EPHX1: variants seen among roughly 807,000 people sequenced by gnomAD.
EPHX1 encodes the protein epoxide hydrolase 1, also known as epoxide hydratase.
Under a neutral mutation model 43.2 loss-of-function variants are expected in EPHX1, and 40 were observed. That is an observed-to-expected ratio of 0.93 (90% CI 0.72 to 1.21). The LOEUF (loss-of-function observed/expected upper bound fraction) is 1.21. EPHX1 is among the 50% of genes most tolerant of loss of function. The pLI, the probability that EPHX1 is intolerant of heterozygous loss-of-function variation, is 0.00. For synonymous variants in EPHX1, 221 were observed against 226.7 expected (o/e 0.98, Z 0.22); for missense variants, 550 against 570.4 (o/e 0.96, Z 0.36).
At chr1:225,829,490 G>C (rs1576004471) in intron 2 of EPHX1, among the ~76,000 whole-genome samples, 1 of 152,302 alleles carries the variant, frequency 6.6e-6, no homozygotes, top group East Asian at 1.9e-4. Context: ...ATCTAATCCT[G>C]AAGCTGCTGC....
intron 1 of EPHX1, among the ~76,000 whole-genome samples, chr1:225,825,959 C>T (rs1667211815): frequency 6.6e-6 from 1 of 152,222 alleles, no homozygotes; most frequent in Non-Finnish European, 1.5e-5. Context: ...TCTTAAAGGG[C>T]AGGATTTCCT....
At chr1:225,821,254 T>C (rs1011166266) in intron 1 of EPHX1, among the ~76,000 whole-genome samples, 4 of 151,240 alleles carry the variant, frequency 2.6e-5, no homozygotes, top group Non-Finnish European at 5.9e-5. Context: ...TACCTTTTCT[T>C]TTTTTTTTGA....
intron 8 of EPHX1, 42 bp downstream of exon 8, chr1:225,844,665 A>G (rs202009881): frequency 5.6e-6 from 9 of 1,611,658 alleles, no homozygotes; most frequent in Non-Finnish European, 7.6e-6. Context: ...CTGAGGCTGG[A>G]GGCAGGGGGA....
chr1:225,838,912 C>G, intron 4 of EPHX1, 31 bp downstream of exon 4: 2 of 1,604,550 alleles, frequency 1.2e-6, no homozygotes, highest in Non-Finnish European at 1.7e-6. Context: ...CCATAACTGC[C>G]CCGTCCTCGC....
At chr1:225,814,135 C>T (rs1666612385) in intron 1 of EPHX1, among the ~76,000 whole-genome samples, 1 of 152,156 alleles carries the variant, frequency 6.6e-6, no homozygotes, top group African/African-American at 2.4e-5. Context: ...GGCAAGATGG[C>T]GCACACCTGT....
Position 225,844,540 on chromosome 1 carries a change from C to T in EPHX1, c.1083C>T (p.Tyr361=), listed in dbSNP as rs777000310. The T allele has an allele frequency of 1.5e-5, 25 of 1,614,054 alleles. No homozygotes were observed. The highest frequency in any genetic ancestry group is 2.1e-5 in the Non-Finnish European group (25 of 1,180,022). ...LDDLLTNVML[Y]WTTGTIISSQ... ...ACCTGCTGACCAACGTCATGCTCTACTGGACAACAGGCACCATCATCTCCT... is the reference window on the plus strand; with the variant it reads ...ACCTGCTGACCAACGTCATGCTCTATTGGACAACAGGCACCATCATCTCCT... Residue 361 remains tyrosine (Y), a synonymous_variant, in exon 8 of 9, where the codon TAC becomes TAT. Coordinates refer to ENST00000272167, the MANE Select transcript of EPHX1 (RefSeq NM_001136018.4).
intron 1 of EPHX1, chr1:225,825,560 T>A (rs1421877475): frequency 6.6e-6 from 1 of 152,198 alleles, no homozygotes; most frequent in Non-Finnish European, 1.5e-5. Flanking sequence ...GAGGGTGGTT[T>A]GTAAAGTTCA....
In EPHX1 at chr1:225,845,245, C is replaced by T. The variant is rs763803179; in HGVS notation, c.1266C>T (p.Ser422=). 1 of 1,614,112 alleles carries T rather than the reference C, an allele frequency of 6.2e-7. No homozygotes were observed. Among genetic ancestry groups the T allele is most frequent in the Admixed American group, 1.7e-5 (1 of 60,024 alleles). ...GGTTCAAGTACCCAAAGCTCATCTC[C>T]TATTCCTACATGGTTCGTGGGGGCC... ...WVRFKYPKLI[S]YSYMVRGGHF... Residue 422 remains serine, a synonymous_variant, in exon 9 of 9, where the codon TCC becomes TCT. Coordinates refer to ENST00000272167, the MANE Select transcript of EPHX1 (RefSeq NM_001136018.4).
intron 1 of EPHX1, among the ~76,000 whole-genome samples, chr1:225,823,985 A>T (rs1343308698): frequency 6.6e-6 from 1 of 152,134 alleles, no homozygotes; most frequent in Non-Finnish European, 1.5e-5. Context: ...AGGCCTGAGG[A>T]CAGCCTGCTG....
Position 225,817,494 on chromosome 1 carries a change from GT to G in EPHX1, c.-6+7326del, listed in dbSNP as rs1347787714. 5.3e-5 allele frequency among the ~76,000 whole-genome samples: 8 copies of G among 152,330 alleles called. No individual in the cohort carries two copies. Among genetic ancestry groups the G allele is most frequent in the African/African-American group, 1.9e-4 (8 of 41,576 alleles). On this transcript the variant is annotated intron_variant, in intron 1 of 8. Transcript: ENST00000272167. This position sits in a 1 kb window ranked among gnomAD's most constrained non-coding sequence, Gnocchi z 5.7. ...CCCAGGGAGGAGTGATGAGGCTGGG[GT>G]GCTGGGGAGGGCAGTATGGGGGCAG...
chr1:225,832,088 A>G (rs1035341737), intron 3 of EPHX1, 129 bp downstream of exon 3: 1 of 1,003,800 alleles, frequency 1.0e-6, no homozygotes, highest in African/African-American at 1.6e-5. Context: ...AGATGTACTT[A>G]TACGTTGTAA....
intron 1 of EPHX1, among the ~76,000 whole-genome samples, chr1:225,811,890 G>C (rs980989620): frequency 9.2e-5 from 14 of 152,198 alleles, no homozygotes; most frequent in Admixed American, 2.6e-4. Flanking sequence ...TGCAGTTCTA[G>C]GGGCAGAGGG....
Position 225,842,317 on chromosome 1 carries a change from C to G in EPHX1, c.932-49C>G, listed in dbSNP as rs764469851. ...ACACATCACACCTGAAGCTCCAGCT[C>G]TCTGGTCCCCAGGCCTGAGTCTCTC... On this transcript the variant is annotated intron_variant, in intron 6 of 8. Transcript: ENST00000272167. 15 of 1,381,062 alleles carry G rather than the reference C, an allele frequency of 1.1e-5. No homozygotes were observed. The South Asian group carries it at 1.4e-4, about 13-fold the overall frequency. The allele number at this position is 1,381,062 out of a possible 1,614,324, so 85.6% of individuals were successfully genotyped here. A position where few individuals can be genotyped will look rare whatever the true frequency, so the allele number is the denominator to read the frequency against.
At chr1:225,833,708 T>C (rs1162760565) in intron 3 of EPHX1, among the ~76,000 whole-genome samples, 3 of 147,540 alleles carry the variant, frequency 2.0e-5, no homozygotes, top group African/African-American at 7.5e-5. Flanking sequence ...GGCAGGAGAA[T>C]GGCGTGAACC....
rs754167497 is a variant in EPHX1 at position 225,839,846 on chromosome 1, AC to A, written c.741del (p.Leu248Ter). 7.4e-6 allele frequency: 12 copies of A among 1,613,864 alleles called. No homozygotes were observed. The highest frequency in any genetic ancestry group is 1.0e-5 in the Non-Finnish European group (12 of 1,179,976). ...GCCTTCAGCCACGTGAAAGGCCTGCACTTGAACATGGCTTTGGTTTTAAGCA... is the reference window on the plus strand; with the variant it reads ...GCCTTCAGCCACGTGAAAGGCCTGCATTGAACATGGCTTTGGTTTTAAGCA... ...QLVPSHVKGL[H>X]LNMALVLSNF... On this transcript the variant is annotated frameshift_variant, in exon 6 of 9. Coordinates refer to ENST00000272167, the MANE Select transcript of EPHX1 (RefSeq NM_001136018.4). LOFTEE classifies it high-confidence loss of function.
Position 225,839,366 on chromosome 1 carries a change from G to GGTTGT in EPHX1, c.722+22_722+23insTGTGT. On this transcript the variant is annotated intron_variant, in intron 5 of 8. Coordinates refer to ENST00000272167, the MANE Select transcript of EPHX1 (RefSeq NM_001136018.4). The stretch of plus-strand genomic sequence containing the variant: ...GCCCAGGTGAGGTCACTGTTGGGGT[G>GGTTGT]GTGTGTGTGTGTGTGTGTGTGTGTG... The GGTTGT allele has an allele frequency of 1.4e-5, 22 of 1,559,602 alleles. No homozygotes were observed. Among genetic ancestry groups the GGTTGT allele is most frequent in the Middle Eastern group, 2.0e-4 (1 of 5,100 alleles).
Position 225,828,887 on chromosome 1 carries a change from T to C in EPHX1, c.158T>C (p.Val53Ala), listed in dbSNP as rs1189864172. The C allele has an allele frequency of 1.3e-6, 2 of 1,588,654 alleles. No individual in the cohort carries two copies. The highest frequency in any genetic ancestry group is 1.7e-6 in the Non-Finnish European group (2 of 1,165,728). Residue 53 changes from valine (V) to alanine (A), a missense_variant, in exon 2 of 9, where the codon GTG (valine) becomes GCG (alanine). Val to Ala is a moderately conservative substitution (Grantham distance 64). Coordinates refer to ENST00000272167, the MANE Select transcript of EPHX1 (RefSeq NM_001136018.4). Reference sequence around the variant, plus strand: ...GACGACAGCATCCGCCCTTTCAAGGTGGAAACGTCAGATGAGGAGATCCAC... The same window carrying C: ...GACGACAGCATCCGCCCTTTCAAGGCGGAAACGTCAGATGAGGAGATCCAC... ...REDDSIRPFKVETSDEEIHDL... is the reference protein window; with the variant it reads ...REDDSIRPFKAETSDEEIHDL...
chr1:225,832,119 T>C (rs1432604644), intron 3 of EPHX1, 160 bp downstream of exon 3: 2 of 768,416 alleles, frequency 2.6e-6, no homozygotes, highest in Non-Finnish European at 4.4e-6. Flanking sequence ...TGCAAAAATA[T>C]TGCAGTCACA....
At chr1:225,841,592 T>C (rs922409293) in intron 6 of EPHX1, among the ~76,000 whole-genome samples, 2 of 138,620 alleles carry the variant, frequency 1.4e-5, no homozygotes, top group African/African-American at 5.5e-5. Context: ...CCTGTCCCAC[T>C]GTCCCAGCCT....
Sources: allele counts gnomAD v4.1 joint callset (sites outside exome capture counted in the v4.1 genomes callset), GRCh38; gene constraint gnomAD v4.1.1; non-coding constraint Gnocchi (gnomAD v3.1); transcripts MANE v1.5; gene names NCBI Gene and HGNC (gene_info 2026-07-23, HGNC 2026-07-21).